ABCA8: variants seen among roughly 807,000 people sequenced by gnomAD.
The protein encoded by ABCA8 is ATP binding cassette subfamily A member 8, also known as ABC-type organic anion transporter ABCA8.
A neutral mutation model predicts 192.3 loss-of-function variants in ABCA8; 177 were observed. The observed-to-expected ratio is 0.92, with a 90% CI of 0.81 to 1.04. The LOEUF (loss-of-function observed/expected upper bound fraction) is 1.04. Ranked by LOEUF, ABCA8 falls within the 50% of genes least tolerant of loss-of-function variation. The pLI, the probability that ABCA8 is intolerant of heterozygous loss-of-function variation, is 0.00. For synonymous variants in ABCA8, 642 were observed against 690.2 expected (o/e 0.93, Z 1.09); for missense variants, 1,915 against 1,904.8 (o/e 1.01, Z -0.10).
At chr17:68,915,537 T>C (rs1309095122) in intron 17 of ABCA8, among the ~76,000 whole-genome samples, 3 of 152,100 alleles carry the variant, frequency 2.0e-5, no homozygotes, top group African/African-American at 7.2e-5. Context: ...CTCAATATCA[T>C]TGATCACCAG....
intron 4 of ABCA8, among the ~76,000 whole-genome samples, chr17:68,939,092 G>C (rs1409241976): frequency 6.6e-6 from 1 of 152,032 alleles, no homozygotes; most frequent in Non-Finnish European, 1.5e-5. Flanking sequence ...AGCTGATCTA[G>C]AAACCATCCT....
chr17:68,944,167 A>G (rs1443839512), intron 2 of ABCA8, among the ~76,000 whole-genome samples: 1 of 151,096 alleles, frequency 6.6e-6, no homozygotes, highest in Non-Finnish European at 1.5e-5. Flanking sequence ...GGTGAGAGGA[A>G]AGGGAAGGGA....
chr17:68,923,512 T>C (rs2067605628), intron 11 of ABCA8, among the ~76,000 whole-genome samples: 5 of 152,166 alleles, frequency 3.3e-5, no homozygotes, highest in Admixed American at 3.3e-4. Context: ...AACTGTCTCG[T>C]TAAATATTCT....
intron 35 of ABCA8, 89 bp downstream of exon 35, chr17:68,876,370 GT>G: frequency 6.5e-7 from 1 of 1,526,976 alleles, no homozygotes; most frequent in Non-Finnish European, 9.0e-7. Flanking sequence ...CCACAAAAGA[GT>G]TTAAGGGACA....
chr17:68,924,632 T>G (rs566109752), intron 11 of ABCA8, 69 bp downstream of exon 11: 1 of 1,528,614 alleles, frequency 6.5e-7, no homozygotes, highest in Non-Finnish European at 8.8e-7. Flanking sequence ...AAGGGAACAC[T>G]GCTTGCCTCA....
intron 23 of ABCA8, among the ~76,000 whole-genome samples, chr17:68,892,391 C>T (rs1272857499): frequency 6.6e-6 from 1 of 152,118 alleles, no homozygotes; most frequent in African/African-American, 2.4e-5. Flanking sequence ...AATCTATTGA[C>T]TTTGGGCAGG....
At chr17:68,913,134 A>G (rs1353604782) in intron 17 of ABCA8, among the ~76,000 whole-genome samples, 2 of 152,308 alleles carry the variant, frequency 1.3e-5, no homozygotes, top group South Asian at 4.1e-4. Flanking sequence ...ATTAAATAAT[A>G]TGTGTTAGAA....
rs987255977 is a variant in ABCA8 at position 68,900,652 on chromosome 17, A to C, written c.2764+2061T>G. Among the ~76,000 whole-genome samples the C allele has an allele frequency of 2.6e-5, 4 of 152,054 alleles. No homozygotes were observed. The East Asian group carries it at 7.7e-4, about 29-fold the overall frequency. On this transcript the variant is annotated intron_variant, in intron 21 of 39. Transcript: ENST00000586539. Reference sequence around the variant, plus strand: ...GCATAAAATAAAACTACAGACCAATATCCCTTATGAATAGAGATGGAAAAC... The same window carrying C: ...GCATAAAATAAAACTACAGACCAATCTCCCTTATGAATAGAGATGGAAAAC...
At position 68,875,729 on chromosome 17, in the gene ABCA8, C is replaced by T. The variant is rs1389996576; in HGVS notation, c.4375G>A (p.Ala1459Thr). ...DPEGQQQMWQ[A>T]IRATFRNTER... ...GTGTTTCTAAAGGTGGCCCGGATGG[C>T]CTGCCTATAATGTCAAGAGATTATT... is the stretch of plus-strand genomic sequence containing the variant. The change falls in exon 36 of 40, where the codon GCC becomes ACC. Residue 1459 changes from alanine (A) to threonine (T), a missense_variant. Ala to Thr is a moderately conservative substitution (Grantham distance 58). Coordinates refer to ENST00000586539, the MANE Select transcript of ABCA8 (RefSeq NM_001288985.2). 6 of 1,612,894 alleles carry T rather than the reference C, an allele frequency of 3.7e-6. No homozygotes were observed. The highest frequency in any genetic ancestry group is 3.3e-4 in the Middle Eastern group (2 of 6,048).
chr17:68,878,574 T>C (rs1178166146), intron 32 of ABCA8: 1 of 152,232 alleles, frequency 6.6e-6, no homozygotes, highest in African/African-American at 2.4e-5. Context: ...TTAAGCTTAT[T>C]TTGTGACACC....
At chr17:68,908,730 T>C (rs772067853) in intron 17 of ABCA8, among the ~76,000 whole-genome samples, 15 of 152,214 alleles carry the variant, frequency 9.9e-5, no homozygotes, top group Non-Finnish European at 1.5e-4. Flanking sequence ...ATTCTATTAA[T>C]TGAGGTTATA....
At chr17:68,908,149 T>C (rs2067133686) in intron 17 of ABCA8, among the ~76,000 whole-genome samples, 1 of 152,102 alleles carries the variant, frequency 6.6e-6, no homozygotes, top group Non-Finnish European at 1.5e-5. Flanking sequence ...CCAGAGAAGT[T>C]TCATATTGAT....
chr17:68,931,761 C>CATTTTTT (rs1491446635), intron 7 of ABCA8: 1 of 96,232 alleles, frequency 1.0e-5, no homozygotes, highest in Non-Finnish European at 2.0e-5. Context: ...AATACATTTC[C>CATTTTTT]TTTTTTTTTT....
At chr17:68,947,359 A>G (rs1384670752) in intron 2 of ABCA8, among the ~76,000 whole-genome samples, 2 of 152,198 alleles carry the variant, frequency 1.3e-5, no homozygotes, top group Non-Finnish European at 2.9e-5. Context: ...GAATTTGCCA[A>G]TATTTTACTT....
intron 37 of ABCA8, among the ~76,000 whole-genome samples, chr17:68,873,318 G>A (rs1451046696): frequency 6.6e-6 from 1 of 152,194 alleles, no homozygotes; most frequent in Non-Finnish European, 1.5e-5. Context: ...GCCTAGGTTT[G>A]CAGTAAGCTA....
rs190774958 is a variant in ABCA8, at chr17:68,894,081, C to T, written c.3036+92G>A. 222 of 1,365,554 alleles carry T rather than the reference C, an allele frequency of 1.6e-4. 2 individuals carry two copies. The East Asian group carries it at 4.6e-3, about 28-fold the overall frequency. The allele number at this position is 1,365,554 out of a possible 1,614,324, so 84.6% of individuals were successfully genotyped here. A position where few individuals can be genotyped will look rare whatever the true frequency, so the allele number is the denominator to read the frequency against. On this transcript the variant is annotated intron_variant, in intron 23 of 39. Coordinates refer to ENST00000586539, the MANE Select transcript of ABCA8 (RefSeq NM_001288985.2). ...TGTTAATTTATTATGCAGTGGTTTA[C>T]TCAATAAAAACAAGATTCCAGCACT...
At chr17:68,904,819 T>G (rs966843929) in intron 19 of ABCA8, among the ~76,000 whole-genome samples, 1 of 152,104 alleles carries the variant, frequency 6.6e-6, no homozygotes, top group African/African-American at 2.4e-5. Flanking sequence ...GGTTCATGGG[T>G]CTTTCCTTTT....
chr17:68,933,390 C>T (rs530537372), intron 5 of ABCA8, 119 bp from the exon 6 acceptor site: 75 of 613,872 alleles, frequency 1.2e-4, no homozygotes, highest in African/African-American at 1.1e-3. Context: ...TCCAAATGTT[C>T]TTATTTTGAC....
chr17:68,918,432 G>C lies in ABCA8; in HGVS notation c.1903C>G (p.Pro635Ala). ...GCAAATTCAATGTGACTCACCTGAG[G>C]ATCTCCTAAAATGGCAATCCCAAAG... is the stretch of plus-strand genomic sequence containing the variant. ...LTFGIAILGD[P>A]QIFLLDEPTA... Residue 635 changes from proline to alanine, a missense_variant, in exon 15 of 40, where the codon CCT becomes GCT. Coordinates refer to ENST00000586539, the MANE Select transcript of ABCA8 (RefSeq NM_001288985.2). 1 of 1,573,648 alleles carries C rather than the reference G, an allele frequency of 6.4e-7. No homozygotes were observed. The highest frequency in any genetic ancestry group is 1.7e-4 in the Middle Eastern group (1 of 6,026).
Sources: allele counts gnomAD v4.1 joint callset (sites outside exome capture counted in the v4.1 genomes callset), GRCh38; gene constraint gnomAD v4.1.1; transcripts MANE v1.5; gene names NCBI Gene and HGNC (gene_info 2026-07-23, HGNC 2026-07-21).